RGS12: variants seen among roughly 807,000 people sequenced by gnomAD.
RGS12 encodes regulator of G-protein signaling 12.
RGS12 carries 66 observed loss-of-function variants against 120.1 expected under a neutral mutation model. The observed-to-expected ratio is 0.55, with a 90% CI of 0.45 to 0.67. The LOEUF is 0.67. Ranked by LOEUF, RGS12 falls within the 30% of genes least tolerant of loss-of-function variation. The probability of loss-of-function intolerance (pLI) is 0.00; values close to 1 mark genes in which losing one functional copy is unlikely to be tolerated. For missense variants in RGS12, 1,859 were observed against 1,957.7 expected, an observed-to-expected ratio of 0.95 and a Z score of 0.95; for synonymous variants, 827 against 804.7, an observed-to-expected ratio of 1.03 and a Z score of -0.47.
chr4:3,431,464 C>T (rs925674784), intron 17 of RGS12: 81 of 988,596 alleles, frequency 8.2e-5, no homozygotes, highest in Admixed American at 1.8e-4. Flanking sequence ...GACCCACCGG[C>T]GGCCCCCGTA....
chr4:3,428,820 T>G (rs1244251076), intron 16 of RGS12, 109 bp downstream of exon 16: 20 of 950,706 alleles, frequency 2.1e-5, no homozygotes, highest in Non-Finnish European at 3.2e-6. Flanking sequence ...CTGCGGTCCG[T>G]CCCTGTGGCC....
chr4:3,366,308 G>A lies in RGS12; in HGVS notation c.1999-20108G>A, dbSNP rs1338879792. ...GGGTGGAGGGCAGGAGGATGGGAGA[G>A]CCCAGCTGGGGGAGATTTGAGGGCC... On this transcript the variant is annotated intron_variant, in intron 3 of 17. Transcript: ENST00000336727. The surrounding 1 kb of genome is among the most constrained non-coding windows in gnomAD (Gnocchi z 4.0). 6.6e-6 allele frequency among the ~76,000 whole-genome samples: 1 copy of A among 152,156 alleles called. No individual in the cohort carries two copies. Among genetic ancestry groups the A allele is most frequent in the East Asian group, 1.9e-4 (1 of 5,198 alleles).
intron 4 of RGS12, among the ~76,000 whole-genome samples, chr4:3,410,622 T>A (rs910118556): frequency 6.6e-6 from 1 of 152,202 alleles, no homozygotes; most frequent in African/African-American, 2.4e-5. Context: ...GTTTGATCAA[T>A]ATAATCAGAG....
chr4:3,414,826 T>C lies in RGS12; in HGVS notation c.2265T>C (p.Pro755=), dbSNP rs373156730. The C allele has an allele frequency of 1.2e-6, 2 of 1,613,026 alleles. No individual in the cohort carries two copies. Among genetic ancestry groups the C allele is most frequent in the Non-Finnish European group, 8.5e-7 (1 of 1,179,018 alleles). ...CCTGTGAATATTTTAATCATGTTCC[T>C]GCACATGACAAAAAGGAGGTAAGTC... ...WQACEYFNHV[P]AHDKKELSYR... is the part of the protein sequence containing the mutation. Residue 755 remains proline (P), a synonymous_variant, in exon 6 of 18, where the codon CCT becomes CCC. Coordinates refer to ENST00000336727, the MANE Select transcript of RGS12 (RefSeq NM_001394154.1).
At chr4:3,429,991 G>A (rs1278244888) in intron 16 of RGS12, among the ~76,000 whole-genome samples, 2 of 152,198 alleles carry the variant, frequency 1.3e-5, no homozygotes, top group Non-Finnish European at 2.9e-5. Flanking sequence ...GCTGGGACCC[G>A]GGCGGGTGCT....
chr4:3,295,660 C>CAAAA (rs35692556), intron 1 of RGS12, among the ~76,000 whole-genome samples: 5 of 58,134 alleles, frequency 8.6e-5, no homozygotes, highest in Non-Finnish European at 1.4e-4. Context: ...AACTCTGTCT[C>CAAAA]AAAAAAAAAA....
rs532346633 is a variant in RGS12, at chr4:3,438,815, G to C, written c.4115-640G>C. On this transcript the variant is annotated intron_variant, in intron 17 of 17. Coordinates refer to ENST00000336727, the MANE Select transcript of RGS12 (RefSeq NM_001394154.1). ...AGCCAGAAGTGGGGCAAGAGTCACT[G>C]ACCAGCCGGAAAGAGGGGCCTCAGT... Among the ~76,000 whole-genome samples the C allele has an allele frequency of 5.3e-5, 8 of 152,212 alleles. No individual in the cohort carries two copies. In the East Asian group the frequency reaches 1.4e-3, roughly 26 times the overall value.
rs1719270638 is a variant in RGS12 at position 3,389,755 on chromosome 4, C to A, written c.2020+3318C>A. On this transcript the variant is annotated intron_variant, in intron 4 of 17. Transcript: ENST00000336727. The surrounding 1 kb of genome is among the most constrained non-coding windows in gnomAD (Gnocchi z 5.2). Reference sequence around the variant, plus strand: ...TACGGCGTCTGTGCCAGCAGGAAAGCCGGGGAACTGTGCGGCTCTGGCTTT... The same window carrying A: ...TACGGCGTCTGTGCCAGCAGGAAAGACGGGGAACTGTGCGGCTCTGGCTTT... Among the ~76,000 whole-genome samples the A allele has an allele frequency of 6.6e-6, 1 of 152,200 alleles. No individual in the cohort carries two copies. The highest frequency in any genetic ancestry group is 6.5e-5 in the Admixed American group (1 of 15,286).
chr4:3,354,411 C>G (rs1015919551), intron 3 of RGS12, among the ~76,000 whole-genome samples: 3 of 152,202 alleles, frequency 2.0e-5, no homozygotes, highest in Admixed American at 1.3e-4. Context: ...GTTGATGACT[C>G]TCTCTCCCAA....
intron 4 of RGS12, among the ~76,000 whole-genome samples, chr4:3,401,003 A>G (rs1298028943): frequency 6.6e-6 from 1 of 152,150 alleles, no homozygotes; most frequent in Non-Finnish European, 1.5e-5. Context: ...AAGAAAAAAG[A>G]TAATCATCAT....
rs371295279 is a variant in RGS12, at chr4:3,439,706, C to T, written c.*22C>T. ...CTGAGCTGCCCTGGCCTGGCCAACTCTCCTGTGGACATGTCGGGGTGGGGC... is the reference window on the plus strand; with the variant it reads ...CTGAGCTGCCCTGGCCTGGCCAACTTTCCTGTGGACATGTCGGGGTGGGGC... On this transcript the variant is annotated 3_prime_UTR_variant, in exon 18 of 18. Coordinates refer to ENST00000336727, the MANE Select transcript of RGS12 (RefSeq NM_001394154.1). 1.2e-4 allele frequency: 180 copies of T among 1,469,260 alleles called. No homozygotes were observed. In the African/African-American group the frequency reaches 2.3e-3, roughly 19 times the overall value. The allele number at this position is 1,469,260 out of a possible 1,614,324, so 91.0% of individuals were successfully genotyped here.
intron 3 of RGS12, chr4:3,370,262 C>T (rs1716829357): frequency 5.6e-6 from 9 of 1,613,852 alleles, no homozygotes; most frequent in South Asian, 1.1e-5. Context: ...GGCTCGGTGC[C>T]TTACAATGAA....
upstream of RGS12, among the ~76,000 whole-genome samples, chr4:3,289,325 C>G (rs1578652228): frequency 6.6e-6 from 1 of 151,936 alleles, no homozygotes; most frequent in Non-Finnish European, 1.5e-5. Flanking sequence ...GCCTCAGTCT[C>G]CTGAGTAGCT....
Position 3,389,250 on chromosome 4 carries a change from A to C in RGS12, c.2020+2813A>C, listed in dbSNP as rs1327281502. On this transcript the variant is annotated intron_variant, in intron 4 of 17. Coordinates refer to ENST00000336727, the MANE Select transcript of RGS12 (RefSeq NM_001394154.1). This position sits in a 1 kb window ranked among gnomAD's most constrained non-coding sequence, Gnocchi z 5.2. ...TGATAATGGCCACCCGTTTGTAGCC[A>C]AAGAGTGCCCTCGGGAAAAAGGGTT... is the stretch of plus-strand genomic sequence containing the variant. Among the ~76,000 whole-genome samples, 1 of 152,100 alleles carries C rather than the reference A, an allele frequency of 6.6e-6. No homozygotes were observed. Among genetic ancestry groups the C allele is most frequent in the Non-Finnish European group, 1.5e-5 (1 of 68,016 alleles).
At chr4:3,333,153 C>A (rs141771627) in intron 2 of RGS12, among the ~76,000 whole-genome samples, 5 of 151,368 alleles carry the variant, frequency 3.3e-5, no homozygotes, top group African/African-American at 1.2e-4. Context: ...GGGTTCACGC[C>A]ATTCTCCTGC....
chr4:3,322,017 T>C (rs1725233189), intron 2 of RGS12, among the ~76,000 whole-genome samples: 1 of 152,224 alleles, frequency 6.6e-6, no homozygotes, highest in Admixed American at 6.5e-5. Context: ...GCCACCAGAT[T>C]CTCCATTGTT....
At chr4:3,408,031 T>G (rs903269599) in intron 4 of RGS12, among the ~76,000 whole-genome samples, 3 of 152,198 alleles carry the variant, frequency 2.0e-5, no homozygotes, top group Non-Finnish European at 4.4e-5. Context: ...AAGGTGGTGT[T>G]GGGATGTGGG....
chr4:3,370,630 G>A (rs529868010), intron 3 of RGS12, among the ~76,000 whole-genome samples: 50 of 152,328 alleles, frequency 3.3e-4, no homozygotes, highest in Admixed American at 7.2e-4. Flanking sequence ...CCTTTACCGT[G>A]GTAATTCTCA....
intron 4 of RGS12, among the ~76,000 whole-genome samples, chr4:3,401,696 A>G (rs1422955155): frequency 6.6e-6 from 1 of 152,252 alleles, no homozygotes; most frequent in Non-Finnish European, 1.5e-5. Flanking sequence ...CACACTGTGG[A>G]CTAGGTAACA....
Sources: gnomAD v4.1 joint callset for allele counts (sites outside exome capture counted in the v4.1 genomes callset) on GRCh38, gnomAD v4.1.1 for gene constraint, Gnocchi (gnomAD v3.1) non-coding constraint, MANE v1.5 for transcripts, NCBI Gene and HGNC (gene_info 2026-07-23, HGNC 2026-07-21) for gene names.